Variants in ERCC6L observed in about 807,000 individuals in gnomAD.
The protein encoded by ERCC6L is ERCC excision repair 6 like, spindle assembly checkpoint helicase.
A neutral mutation model predicts 20.1 loss-of-function variants in ERCC6L; 7 were observed. That is an observed-to-expected ratio of 0.35 (90% confidence interval 0.20 to 0.65). The LOEUF (loss-of-function observed/expected upper bound fraction) is 0.65, where lower values mean the gene tolerates loss of function less well. Among genes scored for constraint, ERCC6L ranks in the 30% least tolerant of loss-of-function variants. The pLI is 0.69. For missense variants in ERCC6L, 592 were observed against 892.4 expected, an observed-to-expected ratio of 0.66 and a Z score of 4.29; for synonymous variants, 278 against 331.3, an observed-to-expected ratio of 0.84 and a Z score of 1.75.
At chrX:72,230,217 G>T (rs748644535) in intron 1 of ERCC6L, among the ~76,000 whole-genome samples, 1 of 110,420 alleles carries the variant, frequency 9.1e-6, no homozygotes, top group East Asian at 2.8e-4. Context: ...GATTGATCAG[G>T]CTATTTGAAG....
At chrX:72,226,791 G>T (rs1017472954) in intron 1 of ERCC6L, among the ~76,000 whole-genome samples, 1 of 111,174 alleles carries the variant, frequency 9.0e-6, no homozygotes, top group Admixed American at 9.6e-5. Context: ...TCACAGCGGG[G>T]GCACAAGTCA....
intron 1 of ERCC6L, among the ~76,000 whole-genome samples, chrX:72,220,569 A>G (rs777099978): frequency 9.0e-6 from 1 of 111,158 alleles, no homozygotes; most frequent in Non-Finnish European, 1.9e-5. Flanking sequence ...TGCTAGCCCC[A>G]AGATAACCCC....
intron 1 of ERCC6L, among the ~76,000 whole-genome samples, chrX:72,224,670 G>A (rs139463801): frequency 1.1e-3 from 125 of 111,176 alleles, no homozygotes; most frequent in African/African-American, 4.0e-3. Flanking sequence ...GCTTGAATCC[G>A]GGAGGTGGAG....
In ERCC6L at chrX:72,213,389, G is replaced by T. The variant is rs183351748; in HGVS notation, c.69-4691C>A. Among the ~76,000 whole-genome samples the T allele has an allele frequency of 9.8e-5, 11 of 111,761 alleles. No individual in the cohort carries two copies. In the East Asian group the frequency reaches 3.1e-3, roughly 31 times the overall value. ...AGCACAGGGGGAGGGAAAATGATCG[G>T]GATATAAATCCAGGCATTCGAGCCG... On this transcript the variant is annotated intron_variant, in intron 1 of 1. Transcript: ENST00000334463.
At chrX:72,238,754 A>T in intron 1 of ERCC6L, 90 bp downstream of exon 1, 1 of 872,030 alleles carries the variant, frequency 1.1e-6, no homozygotes, top group Non-Finnish European at 1.6e-6. Flanking sequence ...CCGCCTCAAC[A>T]GTTCGGGTCC....
In ERCC6L at chrX:72,238,979, G is replaced by A. The variant is rs886438906; in HGVS notation, c.-68C>T. 2.9e-5 allele frequency: 30 copies of A among 1,023,882 alleles called. No individual in the cohort carries two copies. The highest frequency in any genetic ancestry group is 3.8e-5 in the Non-Finnish European group (28 of 745,632). 84.4% of individuals were successfully genotyped at this position (1,023,882 alleles called of 1,213,427 possible). A position where few individuals can be genotyped will look rare whatever the true frequency, so the allele number is the denominator to read the frequency against. The stretch of plus-strand genomic sequence containing the variant: ...GCTTGGAGCTTGGAGCTTGGAGCTT[G>A]GAGCTTAGAGTTTGGAGCTTGAATT... On this transcript the variant is annotated 5_prime_UTR_variant, in exon 1 of 2. An upstream open reading frame in the 5' UTR gains an earlier in-frame stop. Transcript: ENST00000334463.
In ERCC6L at chrX:72,220,402, C is replaced by T. The variant is rs142727176; in HGVS notation, c.69-11704G>A. On this transcript the variant is annotated intron_variant, in intron 1 of 1. Coordinates refer to ENST00000334463, the MANE Select transcript of ERCC6L (RefSeq NM_017669.4). Reference sequence around the variant, plus strand: ...CAGGCCCCTCATTCAGCGGGAGCATCGGCATCTTGGACAAGCCCCACATTC... The same window carrying T: ...CAGGCCCCTCATTCAGCGGGAGCATTGGCATCTTGGACAAGCCCCACATTC... 3.6e-3 allele frequency among the ~76,000 whole-genome samples: 401 copies of T among 111,695 alleles called. 2 individuals are homozygous for T. The highest frequency in any genetic ancestry group is 0.013 in the African/African-American group (385 of 30,757).
At chrX:72,222,432 C>T (rs765098529) in intron 1 of ERCC6L, among the ~76,000 whole-genome samples, 1 of 111,279 alleles carries the variant, frequency 9.0e-6, no homozygotes, top group East Asian at 2.8e-4. Context: ...GATGCAGTCC[C>T]CCATAGAGAC....
At chrX:72,223,180 CA>C (rs1163330497) in intron 1 of ERCC6L, among the ~76,000 whole-genome samples, 10 of 94,584 alleles carry the variant, frequency 1.1e-4, no homozygotes, top group East Asian at 3.7e-4. Flanking sequence ...ACTAAAAATA[CA>C]AAAAAAAAAT....
intron 1 of ERCC6L, among the ~76,000 whole-genome samples, chrX:72,236,907 T>C (rs2043020361): frequency 8.9e-6 from 1 of 112,443 alleles, no homozygotes; most frequent in African/African-American, 3.2e-5. Flanking sequence ...TGTAAGTGTA[T>C]CTGTAGAAGA....
chrX:72,231,501 G>C (rs940185945), intron 1 of ERCC6L, among the ~76,000 whole-genome samples: 1 of 111,045 alleles, frequency 9.0e-6, no homozygotes, highest in Admixed American at 9.6e-5. Flanking sequence ...TGCACATCAT[G>C]GTGACTATTA....
At chrX:72,215,668 C>T (rs927347822) in intron 1 of ERCC6L, among the ~76,000 whole-genome samples, 9 of 111,460 alleles carry the variant, frequency 8.1e-5, no homozygotes, top group African/African-American at 2.9e-4. Context: ...ATTCATAACA[C>T]GCTGCGATTT....
At chrX:72,237,826 C>T (rs1158963780) in intron 1 of ERCC6L, 1 of 110,753 alleles carries the variant, frequency 9.0e-6, no homozygotes, top group East Asian at 2.8e-4. Context: ...CATGGTGGCA[C>T]CCACCTTAAG....
Position 72,207,640 on chromosome X carries a change from A to G in ERCC6L, c.1127T>C (p.Leu376Ser), listed in dbSNP as rs1159206272. 8.3e-7 allele frequency: 1 copy of G among 1,208,824 alleles called. No homozygotes were observed. The highest frequency in any genetic ancestry group is 1.8e-5 in the African/African-American group (1 of 57,110). The change falls in exon 2 of 2, where the codon TTA becomes TCA. Residue 376 changes from leucine (L) to serine (S), a missense_variant. Leu to Ser is a moderately radical substitution (Grantham distance 145). This residue lies in a region of ERCC6L where 196 missense variants were observed against 440.1 expected (regional missense o/e 0.45). Coordinates refer to ENST00000334463, the MANE Select transcript of ERCC6L (RefSeq NM_017669.4). ...DLIIWIRLVPLQEEIYRKFVS... is the reference protein window; with the variant it reads ...DLIIWIRLVPSQEEIYRKFVS... Reference sequence around the variant, plus strand: ...AAATTTCCTGTATATTTCTTCTTGTAAAGGCACAAGTCGTATCCAAATAAT... The same window carrying G: ...AAATTTCCTGTATATTTCTTCTTGTGAAGGCACAAGTCGTATCCAAATAAT...
intron 1 of ERCC6L, among the ~76,000 whole-genome samples, chrX:72,231,445 G>T (rs908660756): frequency 3.6e-5 from 4 of 111,602 alleles, no homozygotes; most frequent in Non-Finnish European, 7.5e-5. Flanking sequence ...TTAGTCAATG[G>T]TACAAAGTTT....
At position 72,234,076 on chromosome X, in the gene ERCC6L, C is replaced by T. The variant is rs749075334; in HGVS notation, c.68+4768G>A. Among the ~76,000 whole-genome samples the T allele has an allele frequency of 1.3e-4, 14 of 109,849 alleles. No homozygotes were observed. The South Asian group carries it at 5.1e-3, about 40-fold the overall frequency. On this transcript the variant is annotated intron_variant, in intron 1 of 1. Coordinates refer to ENST00000334463, the MANE Select transcript of ERCC6L (RefSeq NM_017669.4). Reference sequence around the variant, plus strand: ...AGTGAGCTGAGATTGCGCCACTGCACTCCAGCCTGGGCAACAGAGCAAGAC... The same window carrying T: ...AGTGAGCTGAGATTGCGCCACTGCATTCCAGCCTGGGCAACAGAGCAAGAC...
chrX:72,221,128 A>G, intron 1 of ERCC6L, among the ~76,000 whole-genome samples: 1 of 111,829 alleles, frequency 8.9e-6, no homozygotes, highest in East Asian at 2.8e-4. Flanking sequence ...GATCTTGGGA[A>G]TCCACCTCCA....
chrX:72,234,103 C>G (rs1236605718), intron 1 of ERCC6L, among the ~76,000 whole-genome samples: 2 of 109,590 alleles, frequency 1.8e-5, no homozygotes, highest in East Asian at 5.6e-4. Flanking sequence ...GAGCAAGACT[C>G]CGTCTCAAAA....
intron 1 of ERCC6L, among the ~76,000 whole-genome samples, chrX:72,232,416 CAAAAA>C (rs11302655): frequency 1.6e-3 from 57 of 35,080 alleles, no homozygotes; most frequent in Non-Finnish European, 2.6e-3. Flanking sequence ...AGACCTGCCT[CAAAAA>C]AAAAAAAAAA....
Sources: allele counts gnomAD v4.1 joint callset (sites outside exome capture counted in the v4.1 genomes callset), GRCh38; gene constraint gnomAD v4.1.1; regional missense constraint gnomAD v4.1.1; transcripts MANE v1.5; gene names NCBI Gene and HGNC (gene_info 2026-07-23, HGNC 2026-07-21).